The following TRIM36 variants were observed in gnomAD, a reference collection of about 807,000 sequenced individuals.
TRIM36 encodes the protein E3 ubiquitin-protein ligase TRIM36.
Under a neutral mutation model 72.4 loss-of-function variants are expected in TRIM36, and 42 were observed. The observed-to-expected ratio is 0.58, with a 90% CI of 0.45 to 0.75. The LOEUF (loss-of-function observed/expected upper bound fraction) is 0.75. Among genes scored for constraint, TRIM36 ranks in the 30% least tolerant of loss-of-function variants. The probability of loss-of-function intolerance (pLI) is 0.00; values close to 1 mark genes in which losing one functional copy is unlikely to be tolerated. For synonymous variants in TRIM36, 315 were observed against 282.8 expected (o/e 1.11, Z -1.14); for missense variants, 913 against 857.1 (o/e 1.07, Z -0.81).
intron 2 of TRIM36, among the ~76,000 whole-genome samples, chr5:115,157,807 T>C (rs1754261374): frequency 6.6e-6 from 1 of 152,182 alleles, no homozygotes; most frequent in Non-Finnish European, 1.5e-5. Context: ...ATTAATGGCA[T>C]TCACAGTGAC....
At chr5:115,171,032 T>C, upstream of TRIM36, 5 of 1,604,786 alleles carry the variant, frequency 3.1e-6, no homozygotes, top group Non-Finnish European at 4.3e-6. Flanking sequence ...TCCTATGTAT[T>C]AGGCTTTAAG....
chr5:115,144,037 ATTT>A (rs371373270), intron 4 of TRIM36, among the ~76,000 whole-genome samples: 1 of 149,684 alleles, frequency 6.7e-6, no homozygotes, highest in Non-Finnish European at 1.5e-5. Context: ...TGCCCAGCTA[ATTT>A]TTTTTTTGTA....
upstream of TRIM36, among the ~76,000 whole-genome samples, chr5:115,174,907 T>C (rs1046132266): frequency 4.6e-5 from 7 of 152,192 alleles, no homozygotes; most frequent in African/African-American, 1.7e-4. Flanking sequence ...ATTTTTCCAT[T>C]AATGATGAGT....
At chr5:115,156,452 C>A (rs1466102773) in intron 2 of TRIM36, among the ~76,000 whole-genome samples, 2 of 152,138 alleles carry the variant, frequency 1.3e-5, no homozygotes, top group East Asian at 3.8e-4. Flanking sequence ...CAGTATGGTA[C>A]TGGTATAAAA....
intron 2 of TRIM36, 45 bp downstream of exon 2, chr5:115,163,473 A>T (rs761309122): frequency 6.6e-7 from 1 of 1,517,966 alleles, no homozygotes; most frequent in South Asian, 1.1e-5. Context: ...ATATATCTAT[A>T]AGCTTACCCC....
chr5:115,130,948 ATC>A, intron 8 of TRIM36, 59 bp from the exon 9 acceptor site: 1 of 1,517,626 alleles, frequency 6.6e-7, no homozygotes, highest in South Asian at 1.3e-5. Flanking sequence ...AGTTTGTTAA[ATC>A]TGATAGGTTT....
At chr5:115,167,994 A>G (rs958838056) in intron 1 of TRIM36, among the ~76,000 whole-genome samples, 1 of 152,210 alleles carries the variant, frequency 6.6e-6, no homozygotes, top group African/African-American at 2.4e-5. Context: ...GGCGAGAGGG[A>G]GTAAGAACAG....
chr5:115,143,230 A>C (rs1484738400), intron 4 of TRIM36, among the ~76,000 whole-genome samples: 1 of 110,296 alleles, frequency 9.1e-6, no homozygotes, highest in Non-Finnish European at 2.3e-5. Context: ...GACAAAAAAA[A>C]AAAAAAAAAA....
In TRIM36 at chr5:115,163,571, C is replaced by G; in HGVS notation, c.209G>C (p.Arg70Pro). The G allele has an allele frequency of 6.2e-7, 1 of 1,614,132 alleles. No homozygotes were observed. Among genetic ancestry groups the G allele is most frequent in the Non-Finnish European group, 8.5e-7 (1 of 1,180,022 alleles). Residue 70 changes from arginine (R) to proline (P), a missense_variant, in exon 2 of 10, where the codon CGA becomes CCA. Arg to Pro is a moderately radical substitution (Grantham distance 103). Transcript: ENST00000513154. The stretch of plus-strand genomic sequence containing the variant: ...CATACTAGGGGAGGGGAGCCGAAGT[C>G]GAGGACTGCTTTGATTGGAGTTGTC... ...GSDNSNQSSPRLRLPSPSMDK... is the reference protein window; with the variant it reads ...GSDNSNQSSPPLRLPSPSMDK...
At chr5:115,148,284 A>G (rs1432027573) in intron 2 of TRIM36, 1 of 940,688 alleles carries the variant, frequency 1.1e-6, no homozygotes, top group Non-Finnish European at 1.3e-6. Context: ...ATTTTTGTTC[A>G]GTATTATCCC....
chr5:115,177,732 A>G (rs192452566), intron 1 of TRIM36: 2 of 1,614,016 alleles, frequency 1.2e-6, no homozygotes, highest in East Asian at 2.2e-5. Context: ...CCCCCACAAA[A>G]CAGAGAGAGG....
chr5:115,132,992 A>G (rs962933787), intron 8 of TRIM36, among the ~76,000 whole-genome samples: 3 of 152,220 alleles, frequency 2.0e-5, no homozygotes, highest in African/African-American at 4.8e-5. Context: ...AAAAGCTACA[A>G]TGTGCATGAA....
At chr5:115,138,659 A>T (rs1005307458) in intron 5 of TRIM36, among the ~76,000 whole-genome samples, 5 of 152,174 alleles carry the variant, frequency 3.3e-5, no homozygotes, top group Non-Finnish European at 7.3e-5. Context: ...CTGTAAATAA[A>T]CATTCATACA....
Position 115,133,905 on chromosome 5 carries a change from T to C in TRIM36, c.1453A>G (p.Ser485Gly), listed in dbSNP as rs764610992. The C allele has an allele frequency of 5.6e-6, 9 of 1,612,312 alleles. No homozygotes were observed. In the South Asian group the frequency reaches 8.8e-5, roughly 16 times the overall value. ...RVRAYKGSIC[S>G]PCSRELILHT... ...AGAATCAATTCTCTGCTGCAAGGAC[T>C]ACAGATTGAACCCTTGTAAGCTCTT... The change falls in exon 8 of 10, where the codon AGT becomes GGT. Residue 485 changes from serine to glycine, a missense_variant. Ser to Gly is a moderately conservative substitution (Grantham distance 56). Coordinates refer to ENST00000513154, the MANE Select transcript of TRIM36 (RefSeq NM_001300759.2).
chr5:115,137,250 T>A, intron 6 of TRIM36, 113 bp downstream of exon 6: 1 of 1,476,842 alleles, frequency 6.8e-7, no homozygotes, highest in Non-Finnish European at 9.0e-7. Flanking sequence ...TGAGGCAAGA[T>A]GTACCTCACA....
rs1287939073 is a variant in TRIM36 at position 115,134,803 on chromosome 5, G to A, written c.1211-656C>T. Among the ~76,000 whole-genome samples, 16 of 152,254 alleles carry A rather than the reference G, an allele frequency of 1.1e-4. No homozygotes were observed. In the East Asian group the frequency reaches 2.5e-3, roughly 24 times the overall value. ...GATCTGCCTGCCTTGGTCTCCCAAA[G>A]TGCTGGGATTACAGGCATGAGCCAC... On this transcript the variant is annotated intron_variant, in intron 7 of 9. Coordinates refer to ENST00000513154, the MANE Select transcript of TRIM36 (RefSeq NM_001300759.2).
At chr5:115,129,577 C>T (rs567034865) in intron 9 of TRIM36, among the ~76,000 whole-genome samples, 50 of 152,138 alleles carry the variant, frequency 3.3e-4, no homozygotes, top group African/African-American at 1.1e-3. Context: ...AAAGAAAATA[C>T]AAAGATAAGA....
intron 1 of TRIM36, among the ~76,000 whole-genome samples, chr5:115,176,287 C>A (rs1477679964): frequency 6.6e-6 from 1 of 152,084 alleles, no homozygotes; most frequent in South Asian, 2.1e-4. Flanking sequence ...ATGTTTAAGA[C>A]CTTTTATTAG....
At chr5:115,172,735 CAAAAA>C (rs759612615), upstream of TRIM36, among the ~76,000 whole-genome samples, 183 of 119,968 alleles carry the variant, frequency 1.5e-3, no homozygotes, top group Non-Finnish European at 2.1e-3. Flanking sequence ...GACTCTGTCT[CAAAAA>C]AAAAAAAAAG....
Sources: allele counts gnomAD v4.1 joint callset (sites outside exome capture counted in the v4.1 genomes callset), GRCh38; gene constraint gnomAD v4.1.1; transcripts MANE v1.5; gene names NCBI Gene and HGNC (gene_info 2026-07-23, HGNC 2026-07-21).